HIVEP2: variants seen among roughly 807,000 people sequenced by gnomAD.
The protein encoded by HIVEP2 is transcription factor HIVEP2.
A neutral mutation model predicts 180.7 loss-of-function variants in HIVEP2; 14 were observed. That is an observed-to-expected ratio of 0.08 (90% CI 0.05 to 0.12). HIVEP2 has a LOEUF of 0.12. Among genes scored for constraint, HIVEP2 ranks in the 10% least tolerant of loss-of-function variants. HIVEP2 has a pLI of 1.00. For missense variants in HIVEP2, 2,579 were observed against 3,008.5 expected, an observed-to-expected ratio of 0.86 and a Z score of 3.34; for synonymous variants, 1,184 against 1,136.4, an observed-to-expected ratio of 1.04 and a Z score of -0.84.
chr6:142,929,751 G>A (rs968852999), intron 1 of HIVEP2, among the ~76,000 whole-genome samples: 7 of 152,094 alleles, frequency 4.6e-5, no homozygotes, highest in Non-Finnish European at 1.0e-4. Flanking sequence ...ATTCAGGATT[G>A]GTTTCATTTA....
At chr6:142,887,956 C>T (rs1226104350) in intron 1 of HIVEP2, among the ~76,000 whole-genome samples, 3 of 77,394 alleles carry the variant, frequency 3.9e-5, no homozygotes, top group Non-Finnish European at 7.9e-5. Context: ...AAGGGCGATG[C>T]AGCAAAAAAA....
chr6:142,865,662 G>A (rs1776120520), intron 1 of HIVEP2, among the ~76,000 whole-genome samples: 1 of 152,040 alleles, frequency 6.6e-6, no homozygotes, highest in African/African-American at 2.4e-5. Flanking sequence ...TTTATAAACA[G>A]GAATAGAACA....
intron 1 of HIVEP2, among the ~76,000 whole-genome samples, chr6:142,914,289 T>C (rs997208285): frequency 6.6e-6 from 1 of 152,198 alleles, no homozygotes; most frequent in Non-Finnish European, 1.5e-5. Flanking sequence ...GGATGGCATC[T>C]TTCAAAAAAA....
rs558515223 is a variant in HIVEP2 at position 142,798,446 on chromosome 6, A to G, written c.-527-14831T>C. Among the ~76,000 whole-genome samples, 3 of 152,260 alleles carry G rather than the reference A, an allele frequency of 2.0e-5. No homozygotes were observed. The East Asian group carries it at 5.8e-4, about 29-fold the overall frequency. On this transcript the variant is annotated intron_variant, in intron 2 of 9. Transcript: ENST00000367603. Reference sequence around the variant, plus strand: ...TCAAGTTCCCTGTTCCTTGCTGTCAATAGTGTCATACAAATGCTATAATTA... The same window carrying G: ...TCAAGTTCCCTGTTCCTTGCTGTCAGTAGTGTCATACAAATGCTATAATTA...
chr6:142,848,561 A>T (rs968215972), intron 1 of HIVEP2, among the ~76,000 whole-genome samples: 17 of 152,088 alleles, frequency 1.1e-4, no homozygotes, highest in African/African-American at 4.1e-4. Flanking sequence ...CTCTAAAAAT[A>T]AAAATTAAAA....
At chr6:142,793,673 T>C (rs62430687) in intron 2 of HIVEP2, among the ~76,000 whole-genome samples, 13,929 of 104,174 alleles carry the variant, frequency 0.13, 1,099 homozygotes, top group Middle Eastern at 0.16. Flanking sequence ...CTTTCTTTCT[T>C]TCTCTCTCTC....
At position 142,817,180 on chromosome 6, in the gene HIVEP2, A is replaced by G. The variant is rs1417420481; in HGVS notation, c.-528+19755T>C. Among the ~76,000 whole-genome samples the G allele has an allele frequency of 5.3e-5, 8 of 152,210 alleles. No homozygotes were observed. In the East Asian group the frequency reaches 1.5e-3, roughly 29 times the overall value. ...TGAGTCTCAGAGATTAGGTCTATAT[A>G]TTTTAGAAATGTAATAGTACCTTCT... On this transcript the variant is annotated intron_variant, in intron 2 of 9. Coordinates refer to ENST00000367603, the MANE Select transcript of HIVEP2 (RefSeq NM_006734.4).
intron 1 of HIVEP2, among the ~76,000 whole-genome samples, chr6:142,925,906 G>A (rs1470138681): frequency 6.6e-6 from 1 of 152,130 alleles, no homozygotes; most frequent in African/African-American, 2.4e-5. Context: ...GTGAACTTTA[G>A]CATTTTGGCT....
intron 1 of HIVEP2, among the ~76,000 whole-genome samples, chr6:142,866,231 T>G (rs1776135158): frequency 6.6e-6 from 1 of 152,132 alleles, no homozygotes; most frequent in Admixed American, 6.6e-5. Context: ...CTCCTTTCCC[T>G]CAACTGTAAA....
At chr6:142,755,715 T>A (rs372197605) in intron 9 of HIVEP2, among the ~76,000 whole-genome samples, 5 of 152,190 alleles carry the variant, frequency 3.3e-5, no homozygotes, top group Admixed American at 1.3e-4. Flanking sequence ...ACTACAATAA[T>A]ACTCAGCATG....
At chr6:142,896,711 A>G (rs1432267602) in intron 1 of HIVEP2, among the ~76,000 whole-genome samples, 2 of 152,248 alleles carry the variant, frequency 1.3e-5, no homozygotes, top group Non-Finnish European at 1.5e-5. Flanking sequence ...GTTTCTACCC[A>G]TAAACTTAGT....
chr6:142,768,347 A>T (rs762428667), intron 6 of HIVEP2, 35 bp downstream of exon 6: 55 of 1,596,910 alleles, frequency 3.4e-5, no homozygotes, highest in Middle Eastern at 3.4e-4. Context: ...CTGACCTATA[A>T]CTGCACATTT....
intron 1 of HIVEP2, among the ~76,000 whole-genome samples, chr6:142,916,814 C>G (rs532957703): frequency 2.0e-5 from 3 of 152,318 alleles, no homozygotes; most frequent in African/African-American, 7.2e-5. Context: ...CAGCATCCAG[C>G]ACCTAACAGC....
chr6:142,810,870 G>T (rs1582880154), intron 2 of HIVEP2, among the ~76,000 whole-genome samples: 1 of 151,934 alleles, frequency 6.6e-6, no homozygotes, highest in South Asian at 2.1e-4. Flanking sequence ...CTGCTTCATG[G>T]TTTTCCAAGG....
chr6:142,887,463 C>T (rs1333357854), intron 1 of HIVEP2, among the ~76,000 whole-genome samples: 2 of 152,066 alleles, frequency 1.3e-5, no homozygotes, highest in African/African-American at 4.8e-5. Context: ...TCATGGTGGT[C>T]TATGCTGGTC....
chr6:142,815,112 C>G (rs924811947), intron 2 of HIVEP2, among the ~76,000 whole-genome samples: 3 of 152,126 alleles, frequency 2.0e-5, no homozygotes, highest in Non-Finnish European at 4.4e-5. Flanking sequence ...GATAACAAAC[C>G]CACTTTCTCA....
chr6:142,872,267 G>A (rs9376710), intron 1 of HIVEP2, among the ~76,000 whole-genome samples: 37,653 of 152,042 alleles, frequency 0.25, 5,212 homozygotes, highest in East Asian at 0.35. Flanking sequence ...ATTAATCTGC[G>A]TTAGATCAAA....
intron 3 of HIVEP2, among the ~76,000 whole-genome samples, chr6:142,782,971 C>T (rs1051769336): frequency 6.6e-5 from 10 of 152,160 alleles, no homozygotes; most frequent in Non-Finnish European, 1.2e-4. Flanking sequence ...TAAGTAGAGT[C>T]TAACATGAAA....
intron 1 of HIVEP2, among the ~76,000 whole-genome samples, chr6:142,923,573 G>A (rs1418989558): frequency 1.3e-5 from 2 of 152,042 alleles, no homozygotes; most frequent in Non-Finnish European, 2.9e-5. Context: ...TGATATATTG[G>A]ATGGATCCCA....
Sources: gnomAD v4.1 joint callset for allele counts (sites outside exome capture counted in the v4.1 genomes callset) on GRCh38, gnomAD v4.1.1 for gene constraint, MANE v1.5 for transcripts, NCBI Gene and HGNC (gene_info 2026-07-23, HGNC 2026-07-21) for gene names.